NRG1: variants seen among roughly 807,000 people sequenced by gnomAD.
NRG1 encodes neuregulin 1.
NRG1 carries 18 observed loss-of-function variants against 63.8 expected under a neutral mutation model. The observed-to-expected ratio is 0.28, with a 90% CI of 0.19 to 0.42. The LOEUF (loss-of-function observed/expected upper bound fraction) is 0.42, where lower values mean the gene tolerates loss of function less well. Ranked by LOEUF, NRG1 falls within the 10% of genes least tolerant of loss-of-function variation. The pLI is 1.00. For missense variants in NRG1, 762 were observed against 814.7 expected (o/e 0.94, Z 0.79); for synonymous variants, 302 against 301.3 (o/e 1.00, Z -0.02).
intron 1 of NRG1, among the ~76,000 whole-genome samples, chr8:32,473,715 G>A (rs956359923): frequency 6.6e-6 from 1 of 152,090 alleles, no homozygotes; most frequent in Non-Finnish European, 1.5e-5. Flanking sequence ...AAATGATCGT[G>A]TTCTGTCATC....
chr8:32,447,588 C>T (rs566572597), intron 1 of NRG1, among the ~76,000 whole-genome samples: 4 of 152,164 alleles, frequency 2.6e-5, no homozygotes, highest in South Asian at 2.1e-4. Flanking sequence ...CTGAATAAAA[C>T]GTGGGCGCAG....
chr8:32,647,718 A>C, intron 5 of NRG1: 1 of 1,555,164 alleles, frequency 6.4e-7, no homozygotes, highest in South Asian at 1.2e-5. Context: ...AGGTGAGCCG[A>C]TGGAGATTTA....
At chr8:31,927,429 G>T (rs185787186) in intron 1 of NRG1, among the ~76,000 whole-genome samples, 1,519 of 142,618 alleles carry the variant, frequency 0.011, 23 homozygotes, top group African/African-American at 0.037. Flanking sequence ...CAATGAAACA[G>T]AGAAAACTAC....
intron 1 of NRG1, among the ~76,000 whole-genome samples, chr8:31,945,592 G>T (rs1268202819): frequency 1.3e-5 from 2 of 151,838 alleles, no homozygotes; most frequent in African/African-American, 4.9e-5. Context: ...TTAGATTTGG[G>T]ATTGAAAATA....
At position 31,712,371 on chromosome 8, in the gene NRG1, C is replaced by T. The variant is rs535238511; in HGVS notation, c.37+72940C>T. Among the ~76,000 whole-genome samples the T allele has an allele frequency of 5.1e-4, 76 of 149,242 alleles. 1 individual carries two copies. In the East Asian group the frequency reaches 0.011, roughly 22 times the overall value. On this transcript the variant is annotated intron_variant, in intron 1 of 10. Transcript: ENST00000519301. ...GCAACCTCTGCCTCCCAGGTTCAAG[C>T]GATTCTCCTGCCTCAGCCTCCCAAG...
chr8:32,211,793 A>C (rs1186575161), intron 1 of NRG1, among the ~76,000 whole-genome samples: 2 of 152,074 alleles, frequency 1.3e-5, no homozygotes, highest in Non-Finnish European at 2.9e-5. Flanking sequence ...TGTGTACTTA[A>C]ATTTGCCAAT....
chr8:32,181,719 A>C (rs1468620023), intron 1 of NRG1, among the ~76,000 whole-genome samples: 1 of 152,214 alleles, frequency 6.6e-6, no homozygotes, highest in East Asian at 1.9e-4. Context: ...TTGATTTATA[A>C]CTGAATCTTC....
intron 1 of NRG1, among the ~76,000 whole-genome samples, chr8:32,463,904 T>G (rs1822686642): frequency 1.3e-4 from 10 of 78,392 alleles, no homozygotes; most frequent in South Asian, 5.6e-4. Flanking sequence ...TTTTTTTTTT[T>G]TTTTTTTTTG....
chr8:32,473,354 G>A (rs1007068846), intron 1 of NRG1, among the ~76,000 whole-genome samples: 8 of 152,142 alleles, frequency 5.3e-5, no homozygotes, highest in Middle Eastern at 3.4e-3. Context: ...AAATCTTTTC[G>A]AGGCTCTTCA....
chr8:32,730,417 C>T (rs935029525), intron 6 of NRG1, among the ~76,000 whole-genome samples: 1 of 152,022 alleles, frequency 6.6e-6, no homozygotes, highest in Non-Finnish European at 1.5e-5. Flanking sequence ...CATGCCACTG[C>T]AGTCCAGCCT....
At chr8:32,650,437 A>G (rs1173912187) in intron 5 of NRG1, among the ~76,000 whole-genome samples, 1 of 152,128 alleles carries the variant, frequency 6.6e-6, no homozygotes, top group Non-Finnish European at 1.5e-5. Context: ...TGAAACCTAT[A>G]AGGAAACTCT....
At chr8:31,659,388 A>G (rs1805744306) in intron 1 of NRG1, among the ~76,000 whole-genome samples, 3 of 152,316 alleles carry the variant, frequency 2.0e-5, no homozygotes, top group East Asian at 1.9e-4. Context: ...ATACCAAGGA[A>G]GGAGACTCCT....
chr8:32,361,212 T>C (rs777535249), intron 1 of NRG1, among the ~76,000 whole-genome samples: 5 of 152,154 alleles, frequency 3.3e-5, no homozygotes, highest in Non-Finnish European at 5.9e-5. Context: ...GTACCTTCAT[T>C]GTAGAGACAC....
intron 4 of NRG1, among the ~76,000 whole-genome samples, chr8:32,616,040 T>A (rs1847302795): frequency 6.6e-6 from 1 of 152,158 alleles, no homozygotes; most frequent in Non-Finnish European, 1.5e-5. Flanking sequence ...AACTATTATT[T>A]CTTAATATGT....
intron 1 of NRG1, among the ~76,000 whole-genome samples, chr8:31,825,892 T>C (rs1381236911): frequency 6.6e-6 from 1 of 152,194 alleles, no homozygotes; most frequent in Admixed American, 6.5e-5. Flanking sequence ...GTAGCAGATA[T>C]AGTGCTAGTT....
At chr8:31,639,563 C>A (rs1459307416) in intron 1 of NRG1, 1 of 1,439,090 alleles carries the variant, frequency 6.9e-7, no homozygotes, top group Non-Finnish European at 9.2e-7. Flanking sequence ...CCCCAGCAGC[C>A]GCCGCAGCAT....
At chr8:31,763,747 G>A (rs1487445384) in intron 1 of NRG1, among the ~76,000 whole-genome samples, 2 of 152,162 alleles carry the variant, frequency 1.3e-5, no homozygotes, top group African/African-American at 2.4e-5. Flanking sequence ...TCAGGAGATC[G>A]AGACCATCCT....
chr8:31,665,099 C>T (rs1245409159), intron 1 of NRG1, among the ~76,000 whole-genome samples: 1 of 152,070 alleles, frequency 6.6e-6, no homozygotes, highest in Non-Finnish European at 1.5e-5. Flanking sequence ...AGAGATTTGT[C>T]AGCAGACATG....
intron 1 of NRG1, among the ~76,000 whole-genome samples, chr8:32,288,407 A>G (rs1466601914): frequency 6.6e-6 from 1 of 152,244 alleles, no homozygotes; most frequent in Non-Finnish European, 1.5e-5. Flanking sequence ...CTTAGGAAAT[A>G]TAAAATTTAA....
Sources: gnomAD v4.1 joint callset for allele counts (sites outside exome capture counted in the v4.1 genomes callset) on GRCh38, gnomAD v4.1.1 for gene constraint, MANE v1.5 for transcripts, NCBI Gene and HGNC (gene_info 2026-07-23, HGNC 2026-07-21) for gene names.